The following ASCC1 variants were observed in gnomAD, a reference collection of about 807,000 sequenced individuals.
The protein encoded by ASCC1 is ASC-1 complex subunit P50.
Under a neutral mutation model 46.6 loss-of-function variants are expected in ASCC1, and 35 were observed. The ratio of observed to expected loss-of-function variants is 0.75; its 90% CI spans 0.57 to 0.99. The LOEUF is 0.99. Ranked by LOEUF, ASCC1 falls within the 50% of genes least tolerant of loss-of-function variation. The probability of loss-of-function intolerance (pLI) is 0.00; values close to 1 mark genes in which losing one functional copy is unlikely to be tolerated. For missense variants in ASCC1, 376 were observed against 428.7 expected (o/e 0.88, Z 1.09); for synonymous variants, 143 against 146.6 (o/e 0.98, Z 0.18).
At chr10:72,190,627 A>T in intron 5 of ASCC1, 1 of 874,824 alleles carries the variant, frequency 1.1e-6, no homozygotes, top group East Asian at 2.6e-5. Flanking sequence ...TAAGACAGTC[A>T]TGTGTGCTTA....
chr10:72,206,604 A>C (rs1306950707), intron 3 of ASCC1, among the ~76,000 whole-genome samples: 1 of 152,180 alleles, frequency 6.6e-6, no homozygotes, highest in Non-Finnish European at 1.5e-5. Flanking sequence ...CCCTGACAGT[A>C]ATAACTTAAG....
intron 9 of ASCC1, among the ~76,000 whole-genome samples, chr10:72,100,761 C>G (rs918598524): frequency 6.6e-6 from 1 of 151,868 alleles, no homozygotes; most frequent in Non-Finnish European, 1.5e-5. Context: ...AATATAAGCC[C>G]TACAGAGGAA....
At chr10:72,186,823 C>T (rs1198643054) in intron 5 of ASCC1, among the ~76,000 whole-genome samples, 1 of 151,402 alleles carries the variant, frequency 6.6e-6, no homozygotes, top group African/African-American at 2.4e-5. Context: ...GCCAGCATGA[C>T]GTTCACAGCG....
intron 5 of ASCC1, among the ~76,000 whole-genome samples, chr10:72,190,779 C>T (rs543052844): frequency 5.3e-4 from 80 of 151,924 alleles, no homozygotes; most frequent in African/African-American, 1.8e-3. Context: ...AGACAGATCA[C>T]GAGGTCAAGA....
chr10:72,145,377 T>C (rs141748859), intron 7 of ASCC1, among the ~76,000 whole-genome samples: 195 of 152,356 alleles, frequency 1.3e-3, no homozygotes, highest in Middle Eastern at 6.8e-3. Flanking sequence ...GCCCCATCTA[T>C]ATCTGGAGTT....
intron 5 of ASCC1, among the ~76,000 whole-genome samples, chr10:72,168,441 G>A (rs954940208): frequency 1.3e-5 from 2 of 152,224 alleles, no homozygotes; most frequent in Non-Finnish European, 2.9e-5. Flanking sequence ...TGGAGAGGCT[G>A]TAGGGACACA....
intron 9 of ASCC1, among the ~76,000 whole-genome samples, chr10:72,100,177 G>A (rs948836023): frequency 2.0e-5 from 3 of 151,572 alleles, no homozygotes; most frequent in African/African-American, 7.3e-5. Context: ...TTTAGTAACA[G>A]ATAATTTACT....
rs140575513 is a variant in ASCC1, at chr10:72,118,978, G to T, written c.957+9104C>A. Among the ~76,000 whole-genome samples the T allele has an allele frequency of 7.8e-3, 1,182 of 152,238 alleles. 5 individuals carry two copies. The highest frequency in any genetic ancestry group is 0.01 in the Non-Finnish European group (714 of 68,016). On this transcript the variant is annotated intron_variant, in intron 9 of 9. Coordinates refer to ENST00000672957, the MANE Select transcript of ASCC1 (RefSeq NM_001198800.3). ...CTGAAACCTTGACAACTCTTCATAG[G>T]TCTGTCAGAAGACTGAGGTCGGGGA...
At chr10:72,103,511 C>G (rs11000173) in intron 9 of ASCC1, among the ~76,000 whole-genome samples, 1 of 152,112 alleles carries the variant, frequency 6.6e-6, no homozygotes, top group Non-Finnish European at 1.5e-5. Context: ...AAGACACACA[C>G]GAAGTTGATG....
chr10:72,109,683 C>T (rs1842715546), intron 9 of ASCC1, among the ~76,000 whole-genome samples: 1 of 152,178 alleles, frequency 6.6e-6, no homozygotes, highest in Non-Finnish European at 1.5e-5. Context: ...TGAATTAAAA[C>T]CGCTATATAC....
At chr10:72,189,802 C>CAA (rs996153326) in intron 5 of ASCC1, 786 of 166,848 alleles carry the variant, frequency 4.7e-3, no homozygotes, top group Middle Eastern at 9.7e-3. Context: ...AACTCCATCT[C>CAA]AAAAAAAAAA....
chr10:72,147,938 T>C (rs1263867682), intron 7 of ASCC1, among the ~76,000 whole-genome samples: 1 of 152,320 alleles, frequency 6.6e-6, no homozygotes, highest in East Asian at 1.9e-4. Flanking sequence ...GAAACTCTTT[T>C]AGGGAGTCCA....
chr10:72,102,428 G>A, intron 9 of ASCC1: 2 of 1,543,804 alleles, frequency 1.3e-6, no homozygotes, highest in South Asian at 1.2e-5. Flanking sequence ...GCACAGTTAA[G>A]TGGAAACAGA....
At chr10:72,204,046 C>G (rs989540957) in intron 3 of ASCC1, among the ~76,000 whole-genome samples, 2 of 152,052 alleles carry the variant, frequency 1.3e-5, no homozygotes, top group African/African-American at 4.8e-5. Context: ...GTCAAGAGTT[C>G]GAGACCAGCC....
At chr10:72,160,263 T>G (rs1442509568) in intron 6 of ASCC1, among the ~76,000 whole-genome samples, 1 of 152,106 alleles carries the variant, frequency 6.6e-6, no homozygotes, top group Admixed American at 6.6e-5. Flanking sequence ...CCTTGTTCTA[T>G]CCAATGAACC....
chr10:72,129,015 C>T (rs1041913466), intron 8 of ASCC1, among the ~76,000 whole-genome samples: 2 of 152,202 alleles, frequency 1.3e-5, no homozygotes, highest in East Asian at 1.9e-4. Context: ...CATTTAAGTA[C>T]GTTATTTTAC....
At chr10:72,216,519 G>A (rs1490002709), upstream of ASCC1, among the ~76,000 whole-genome samples, 1 of 132,392 alleles carries the variant, frequency 7.6e-6, no homozygotes, top group Admixed American at 9.1e-5. Context: ...CATCTATTTG[G>A]TTTGGGTTGT....
chr10:72,177,827 T>C (rs902191409), intron 5 of ASCC1, among the ~76,000 whole-genome samples: 2 of 152,302 alleles, frequency 1.3e-5, no homozygotes, highest in African/African-American at 2.4e-5. Context: ...AAAAATAAGG[T>C]GCAGCTTATC....
At chr10:72,151,366 G>T (rs1848300404) in intron 7 of ASCC1, among the ~76,000 whole-genome samples, 1 of 151,160 alleles carries the variant, frequency 6.6e-6, no homozygotes, top group South Asian at 2.1e-4. Flanking sequence ...AACACCGCAT[G>T]TTCTCACTCA....
Sources: gnomAD v4.1 joint callset for allele counts (sites outside exome capture counted in the v4.1 genomes callset) on GRCh38, gnomAD v4.1.1 for gene constraint, MANE v1.5 for transcripts, NCBI Gene and HGNC (gene_info 2026-07-23, HGNC 2026-07-21) for gene names.